Variants in GRIP1 observed in about 807,000 individuals in gnomAD.
The protein encoded by GRIP1 is glutamate receptor interacting protein 1, also known as glutamate receptor-interacting protein 1.
In GRIP1, 45 loss-of-function variants were observed where a neutral mutation model predicts 129.9. The ratio of observed to expected loss-of-function variants is 0.35; its 90% CI spans 0.27 to 0.44. GRIP1 has a LOEUF of 0.44. Among genes scored for constraint, GRIP1 ranks in the 20% least tolerant of loss-of-function variants. The pLI is 1.00. For synonymous variants in GRIP1, 530 were observed against 520.8 expected, an observed-to-expected ratio of 1.02 and a Z score of -0.24; for missense variants, 1,196 against 1,396.8, an observed-to-expected ratio of 0.86 and a Z score of 2.29.
At chr12:66,495,089 G>A (rs112979830) in intron 7 of GRIP1, among the ~76,000 whole-genome samples, 3 of 152,122 alleles carry the variant, frequency 2.0e-5, no homozygotes, top group Admixed American at 6.5e-5. Context: ...TTCTTCCTGG[G>A]TTAATCCCAG....
At position 67,024,308 on chromosome 12, in the gene GRIP1, C is replaced by G. The variant is rs138555628; in HGVS notation, c.58+44742G>C. Reference sequence around the variant, plus strand: ...TGACCCTAAGGAGTTCTGGCTGGGTCCACGTTAGGAAGAACACAGGCAAGG... The same window carrying G: ...TGACCCTAAGGAGTTCTGGCTGGGTGCACGTTAGGAAGAACACAGGCAAGG... On this transcript the variant is annotated intron_variant, in intron 1 of 1. Coordinates refer to the GRIP1 transcript ENST00000643019. 3.9e-5 allele frequency among the ~76,000 whole-genome samples: 6 copies of G among 152,220 alleles called. No homozygotes were observed. In the East Asian group the frequency reaches 1.2e-3, roughly 29 times the overall value.
chr12:66,958,889 C>T (rs10878540), intron 1 of GRIP1, among the ~76,000 whole-genome samples: 106,104 of 152,046 alleles, frequency 0.7, 37,932 homozygotes, highest in African/African-American at 0.86. Context: ...GAGTCCCATC[C>T]GCAGAGAATG....
intron 2 of GRIP1, among the ~76,000 whole-genome samples, chr12:66,582,106 CAAATCAATAAATGT>C (rs1197327788): frequency 2.6e-5 from 4 of 151,914 alleles, no homozygotes; most frequent in Non-Finnish European, 5.9e-5. Context: ...TCAATATATG[CAAATCAATAAATGT>C]AATCCAGCAT....
intron 1 of GRIP1, among the ~76,000 whole-genome samples, chr12:66,969,220 C>T (rs2042038517): frequency 6.6e-6 from 1 of 152,116 alleles, no homozygotes; most frequent in South Asian, 2.1e-4. Context: ...TTTGTGTTCT[C>T]TGAGCTTCCT....
At chr12:66,782,735 T>C (rs765742590) in intron 1 of GRIP1, among the ~76,000 whole-genome samples, 2 of 152,168 alleles carry the variant, frequency 1.3e-5, no homozygotes, top group African/African-American at 2.4e-5. Flanking sequence ...ATTTTTCCTA[T>C]TTACAAAGGT....
chr12:66,418,333 C>G (rs1193129834), intron 15 of GRIP1, among the ~76,000 whole-genome samples: 1 of 152,132 alleles, frequency 6.6e-6, no homozygotes, highest in African/African-American at 2.4e-5. Context: ...AACTATGACA[C>G]TACCACAAGA....
intron 1 of GRIP1, among the ~76,000 whole-genome samples, chr12:66,836,578 T>C (rs189091388): frequency 1.8e-3 from 280 of 152,288 alleles, no homozygotes; most frequent in African/African-American, 6.5e-3. Context: ...ATACATTTTT[T>C]CTGCCTGTGA....
chr12:66,930,058 T>C (rs1337449205), intron 1 of GRIP1, among the ~76,000 whole-genome samples: 1 of 145,528 alleles, frequency 6.9e-6, no homozygotes. Context: ...TCTCTCTCTT[T>C]TTTTTTTTTT....
At chr12:66,455,061 G>A (rs559697201) in intron 11 of GRIP1, among the ~76,000 whole-genome samples, 182 of 152,252 alleles carry the variant, frequency 1.2e-3, no homozygotes, top group Middle Eastern at 3.4e-3. Context: ...AAGGTTTCAT[G>A]TCCAAAGCCA....
chr12:66,894,245 C>T (rs2040709209), intron 1 of GRIP1, among the ~76,000 whole-genome samples: 1 of 152,124 alleles, frequency 6.6e-6, no homozygotes, highest in Non-Finnish European at 1.5e-5. Flanking sequence ...CTAGAGAGTA[C>T]ACGCACTCCC....
chr12:66,476,164 T>C (rs2059603376), intron 7 of GRIP1, among the ~76,000 whole-genome samples: 1 of 151,850 alleles, frequency 6.6e-6, no homozygotes, highest in South Asian at 2.1e-4. Flanking sequence ...ATAGATGCAA[T>C]AAAAAATGAT....
intron 1 of GRIP1, among the ~76,000 whole-genome samples, chr12:66,947,025 C>A (rs2041682316): frequency 6.7e-6 from 1 of 150,182 alleles, no homozygotes; most frequent in African/African-American, 2.5e-5. Flanking sequence ...GCCTGGGCAA[C>A]AAGAGCAAAA....
Position 66,965,147 on chromosome 12 carries a change from T to C in GRIP1, c.58+103903A>G, listed in dbSNP as rs946183354. 3.3e-5 allele frequency among the ~76,000 whole-genome samples: 5 copies of C among 152,244 alleles called. No individual in the cohort carries two copies. In the East Asian group the frequency reaches 5.8e-4, roughly 18 times the overall value. On this transcript the variant is annotated intron_variant, in intron 1 of 1. Coordinates refer to the GRIP1 transcript ENST00000643019. ...CTAATAATATTCTATAATCGATTCATTACCAATCTTTTTTTTGCCTGTGGC... is the reference window on the plus strand; with the variant it reads ...CTAATAATATTCTATAATCGATTCACTACCAATCTTTTTTTTGCCTGTGGC...
intron 1 of GRIP1, among the ~76,000 whole-genome samples, chr12:66,943,842 T>C (rs2041625910): frequency 6.6e-6 from 1 of 152,246 alleles, no homozygotes; most frequent in African/African-American, 2.4e-5. Flanking sequence ...ACTCAATATA[T>C]TCTTAGTTGC....
chr12:66,911,258 A>G (rs2041023927), intron 1 of GRIP1, among the ~76,000 whole-genome samples: 1 of 152,248 alleles, frequency 6.6e-6, no homozygotes, highest in South Asian at 2.1e-4. Flanking sequence ...CTGGGGGGAA[A>G]TTCTACAAAA....
chr12:66,817,849 T>C (rs567298778), intron 1 of GRIP1, among the ~76,000 whole-genome samples: 2 of 152,356 alleles, frequency 1.3e-5, no homozygotes, highest in South Asian at 4.1e-4. Context: ...TGTTTTATAT[T>C]TTTACTTAAT....
intron 1 of GRIP1, among the ~76,000 whole-genome samples, chr12:66,729,571 C>G (rs1263380464): frequency 6.6e-6 from 1 of 151,892 alleles, no homozygotes; most frequent in Non-Finnish European, 1.5e-5. Context: ...GAAGGTAAAA[C>G]CAGGATACAT....
intron 13 of GRIP1, among the ~76,000 whole-genome samples, chr12:66,437,610 C>T (rs7397605): frequency 0.66 from 100,734 of 152,074 alleles, 34,569 homozygotes; most frequent in Non-Finnish European, 0.77. Flanking sequence ...TTTAGGAGCT[C>T]AAATTTAAGA....
intron 1 of GRIP1, among the ~76,000 whole-genome samples, chr12:66,618,530 A>G (rs73325157): frequency 6.6e-6 from 1 of 152,026 alleles, no homozygotes; most frequent in Admixed American, 6.6e-5. Flanking sequence ...TATCTATTAA[A>G]AAAAAGTAAA....
Sources: gnomAD v4.1 joint callset for allele counts (sites outside exome capture counted in the v4.1 genomes callset) on GRCh38, gnomAD v4.1.1 for gene constraint, MANE v1.5 for transcripts, NCBI Gene and HGNC (gene_info 2026-07-23, HGNC 2026-07-21) for gene names.